The following FHL2 variants were observed in gnomAD, a reference collection of about 807,000 sequenced individuals.
FHL2 encodes the protein four and a half LIM domains 2.
FHL2 carries 20 observed loss-of-function variants against 32.7 expected under a neutral mutation model. That is an observed-to-expected ratio of 0.61 (90% CI 0.43 to 0.89). FHL2 has a LOEUF of 0.89. FHL2 is among the 40% of genes least tolerant of loss of function. The pLI, the probability that FHL2 is intolerant of heterozygous loss-of-function variation, is 0.00. For synonymous variants in FHL2, 123 were observed against 128.1 expected (o/e 0.96, Z 0.27); for missense variants, 311 against 358.6 (o/e 0.87, Z 1.07).
downstream of FHL2, chr2:105,359,540 C>G (rs905438295): frequency 6.6e-6 from 1 of 152,118 alleles, no homozygotes; most frequent in South Asian, 2.1e-4. Flanking sequence ...ATTGCATTGT[C>G]TTAGAAAACT....
At chr2:105,397,471 T>C (rs1020111434) in intron 1 of FHL2, among the ~76,000 whole-genome samples, 1 of 151,818 alleles carries the variant, frequency 6.6e-6, no homozygotes, top group African/African-American at 2.4e-5. Flanking sequence ...GCTGCACAGG[T>C]TGAGGGACCC....
At chr2:105,433,975 T>TC (rs1419478753) in intron 1 of FHL2, among the ~76,000 whole-genome samples, 1 of 151,294 alleles carries the variant, frequency 6.6e-6, no homozygotes, top group Non-Finnish European at 1.5e-5. Flanking sequence ...TACCCACCCC[T>TC]CAACACATTT....
In FHL2 at chr2:105,361,328, T is replaced by A; in HGVS notation, c.795A>T (p.Thr265=). Residue 265 remains threonine (T), a synonymous_variant, in exon 7 of 7, where the codon ACA becomes ACT. Transcript: ENST00000530340. ...SLSLVGRGFL[T]ERDDILCPDC... is the part of the protein sequence containing the mutation. ...CGGGGCACAGGATGTCGTCCCTCTC[T>A]GTGAGGAAGCCACGCCCCACCAGTG... The A allele has an allele frequency of 6.2e-7, 1 of 1,614,136 alleles. No individual in the cohort carries two copies. The highest frequency in any genetic ancestry group is 8.5e-7 in the Non-Finnish European group (1 of 1,179,974).
intron 3 of FHL2, chr2:105,378,514 C>T: frequency 5.3e-6 from 1 of 187,496 alleles, no homozygotes; most frequent in Non-Finnish European, 1.1e-5. Context: ...GAAAGTGCTC[C>T]CCATCCCATT....
At chr2:105,370,901 C>T (rs1284529829) in intron 4 of FHL2, among the ~76,000 whole-genome samples, 2 of 152,126 alleles carry the variant, frequency 1.3e-5, no homozygotes. Flanking sequence ...CAGGGTCTGA[C>T]GCCTGTGTGT....
chr2:105,366,910 T>C (rs1013645265), intron 5 of FHL2, among the ~76,000 whole-genome samples: 16 of 152,198 alleles, frequency 1.1e-4, no homozygotes, highest in African/African-American at 3.9e-4. Flanking sequence ...CACACCCAGC[T>C]AAGTTGTGTA....
intron 3 of FHL2, among the ~76,000 whole-genome samples, chr2:105,385,445 A>G (rs55753337): frequency 0.11 from 17,409 of 152,268 alleles, 1,191 homozygotes; most frequent in East Asian, 0.31. Context: ...GGAGAGCAGC[A>G]AAAATCCCTA....
rs567897122 is a variant in FHL2, at chr2:105,427,334, A to T, written c.-25+11065T>A. The stretch of plus-strand genomic sequence containing the variant: ...AGTCAATTTCATTTTGTTGTTAAAA[A>T]TATGCTGATCTCAATCCACTGAACT... On this transcript the variant is annotated intron_variant, in intron 1 of 5. Coordinates refer to the FHL2 transcript ENST00000393352. Among the ~76,000 whole-genome samples, 9 of 152,308 alleles carry T rather than the reference A, an allele frequency of 5.9e-5. No individual in the cohort carries two copies. The South Asian group carries it at 1.9e-3, about 32-fold the overall frequency.
intron 1 of FHL2, among the ~76,000 whole-genome samples, chr2:105,397,844 A>G (rs1213437778): frequency 6.6e-6 from 1 of 151,070 alleles, no homozygotes; most frequent in African/African-American, 2.4e-5. Flanking sequence ...GAATTCCTGT[A>G]CTTCTAAGAC....
chr2:105,397,881 G>GTTTTTTTTTTTTTTTTTTTTTT (rs749684273), intron 1 of FHL2, among the ~76,000 whole-genome samples: 1 of 116,302 alleles, frequency 8.6e-6, no homozygotes, highest in African/African-American at 3.1e-5. Context: ...TTGTTTTTTT[G>GTTTTTTTTTTTTTTTTTTTTTT]TTTTTTGTTT....
intron 4 of FHL2, among the ~76,000 whole-genome samples, chr2:105,372,535 A>C (rs13020483): frequency 0.47 from 71,178 of 151,918 alleles, 18,229 homozygotes; most frequent in African/African-American, 0.68. Flanking sequence ...TCCTACATAT[A>C]TTTCTAAACT....
At chr2:105,375,821 C>T (rs1180229005) in intron 3 of FHL2, 1 of 152,208 alleles carries the variant, frequency 6.6e-6, no homozygotes, top group Non-Finnish European at 1.5e-5. Flanking sequence ...ACTGGGTATG[C>T]ACTGGGAGTT....
intron 1 of FHL2, among the ~76,000 whole-genome samples, chr2:105,436,450 A>G (rs1327069859): frequency 6.6e-6 from 1 of 152,216 alleles, no homozygotes; most frequent in Non-Finnish European, 1.5e-5. Context: ...AATTGGTCAT[A>G]ATGATATATA....
At chr2:105,400,031 T>A (rs72836921), upstream of FHL2, among the ~76,000 whole-genome samples, 483 of 152,318 alleles carry the variant, frequency 3.2e-3, 2 homozygotes, top group African/African-American at 0.011. Context: ...TGGGTCTCCA[T>A]CATGGAATCA....
chr2:105,366,717 C>A lies in FHL2; in HGVS notation c.501+853G>T, dbSNP rs1680658231. 2.0e-5 allele frequency among the ~76,000 whole-genome samples: 3 copies of A among 152,144 alleles called. No homozygotes were observed. The South Asian group carries it at 6.2e-4, about 32-fold the overall frequency. On this transcript the variant is annotated intron_variant, in intron 5 of 6. Coordinates refer to ENST00000530340, the MANE Select transcript of FHL2 (RefSeq NM_001318895.3). ...CCTAACAGAGCCATGACTGGAATAG[C>A]ACATTATCGAGTAGATAAGTTTATT...
intron 5 of FHL2, among the ~76,000 whole-genome samples, chr2:105,365,468 G>T (rs1022848233): frequency 6.6e-6 from 1 of 152,156 alleles, no homozygotes; most frequent in Admixed American, 6.5e-5. Context: ...AGCACACATT[G>T]GAAAGATGAC....
At chr2:105,399,679 G>A (rs1683391874), upstream of FHL2, 3 of 1,449,576 alleles carry the variant, frequency 2.1e-6, no homozygotes, top group Non-Finnish European at 2.7e-6. Context: ...AGCTGGGAGC[G>A]TGCCTCCCAC....
At position 105,398,989 on chromosome 2, in the gene FHL2, G is replaced by A. The variant is rs1171708360; in HGVS notation, c.-223C>T. On this transcript the variant is annotated 5_prime_UTR_variant, in exon 1 of 7. Coordinates refer to ENST00000530340, the MANE Select transcript of FHL2 (RefSeq NM_001318895.3). ...ACTCACGGCACCGCAGCGGGCCGGG[G>A]ACTCCCGGACGGGGCTGGAGGGCGC... The A allele has an allele frequency of 1.1e-5, 16 of 1,506,808 alleles. No individual in the cohort carries two copies. The highest frequency in any genetic ancestry group is 1.4e-5 in the Non-Finnish European group (16 of 1,131,400). The allele number at this position is 1,506,808 out of a possible 1,614,324, so 93.3% of individuals were successfully genotyped here.
chr2:105,417,981 CA>C (rs901230143), intron 1 of FHL2, among the ~76,000 whole-genome samples: 31 of 151,900 alleles, frequency 2.0e-4, no homozygotes, highest in African/African-American at 6.3e-4. Context: ...TTAATAGTAT[CA>C]AAAAAATAGC....
Sources: allele counts gnomAD v4.1 joint callset (sites outside exome capture counted in the v4.1 genomes callset), GRCh38; gene constraint gnomAD v4.1.1; transcripts MANE v1.5; gene names NCBI Gene and HGNC (gene_info 2026-07-23, HGNC 2026-07-21).